Variants in ACO2 observed in about 807,000 individuals in gnomAD.
ACO2 encodes aconitase 2.
In ACO2, 31 loss-of-function variants were observed where a neutral mutation model predicts 84.5. That is an observed-to-expected ratio of 0.37 (90% CI 0.28 to 0.50). The LOEUF is 0.50. Ranked by LOEUF, ACO2 falls within the 20% of genes least tolerant of loss-of-function variation. The pLI is 0.97. For synonymous variants in ACO2, 414 were observed against 412.7 expected, an observed-to-expected ratio of 1.00 and a Z score of -0.04; for missense variants, 685 against 1,029.3, an observed-to-expected ratio of 0.67 and a Z score of 4.58.
chr22:41,528,963 A>C lies in ACO2; in HGVS notation c.*350A>C, dbSNP rs1709909812. 1 of 520,432 alleles carries C rather than the reference A, an allele frequency of 1.9e-6. No homozygotes were observed. Among genetic ancestry groups the C allele is most frequent in the Non-Finnish European group, 3.4e-6 (1 of 294,940 alleles). The allele number at this position is 520,432 out of a possible 1,614,324, so 32.2% of individuals were successfully genotyped here. A position where few individuals can be genotyped will look rare whatever the true frequency, so the allele number is the denominator to read the frequency against. On this transcript the variant is annotated 3_prime_UTR_variant, in exon 18 of 18. Transcript: ENST00000216254. ...CTTTTGTTCTTGCAAGGAAAACAAG[A>C]ATCCAAAACCAGTGACTGTTCTGTG...
intron 9 of ACO2, among the ~76,000 whole-genome samples, chr22:41,520,686 C>T (rs914236078): frequency 6.6e-6 from 1 of 151,730 alleles, no homozygotes; most frequent in Non-Finnish European, 1.5e-5. Context: ...ACTAAAAATA[C>T]AAAAAATTAG....
intron 1 of ACO2, among the ~76,000 whole-genome samples, chr22:41,490,051 G>A (rs529765355): frequency 1.1e-4 from 16 of 152,178 alleles, no homozygotes; most frequent in South Asian, 8.3e-4. Context: ...GGCCGGGCAC[G>A]GTGTCTTACA....
At chr22:41,484,703 C>T (rs2038130541) in intron 1 of ACO2, among the ~76,000 whole-genome samples, 1 of 151,900 alleles carries the variant, frequency 6.6e-6, no homozygotes, top group South Asian at 2.1e-4. Flanking sequence ...TCTTTGGGAA[C>T]CCATTCATAT....
intron 1 of ACO2, among the ~76,000 whole-genome samples, chr22:41,472,131 G>A (rs1208801662): frequency 1.3e-5 from 2 of 152,200 alleles, no homozygotes; most frequent in East Asian, 3.9e-4. Flanking sequence ...AAGGCAGGTG[G>A]ATCACAAGGT....
intron 13 of ACO2, 57 bp from the exon 14 acceptor site, chr22:41,525,136 C>A (rs2066569534): frequency 1.2e-6 from 2 of 1,600,270 alleles, no homozygotes; most frequent in Admixed American, 1.7e-5. Flanking sequence ...TTCTGAGAGT[C>A]TGTCCTTGTG....
At position 41,522,317 on chromosome 22, in the gene ACO2, C is replaced by A. The variant is rs139850424; in HGVS notation, c.1139-513C>A. Among the ~76,000 whole-genome samples, 493 of 152,202 alleles carry A rather than the reference C, an allele frequency of 3.2e-3. 4 individuals are homozygous for A. The highest frequency in any genetic ancestry group is 0.031 in the Middle Eastern group (9 of 294). On this transcript the variant is annotated intron_variant, in intron 9 of 17. Transcript: ENST00000216254. ...CTGTGCCCTTGCACTCCAGCCTGGG[C>A]GACAGAGCAAGACCCCATCTCAACA...
chr22:41,480,920 A>G (rs376032007), intron 1 of ACO2, among the ~76,000 whole-genome samples: 28 of 152,028 alleles, frequency 1.8e-4, no homozygotes, highest in African/African-American at 6.3e-4. Flanking sequence ...GGCTCAAGCA[A>G]TTCTCCCACC....
At chr22:41,518,437 G>A (rs755692788) in intron 7 of ACO2, 44 bp from the exon 8 acceptor site, 1 of 1,494,626 alleles carries the variant, frequency 6.7e-7, no homozygotes, top group South Asian at 1.1e-5. Context: ...CTCAAGAACA[G>A]TTTATGTTTC....
At chr22:41,476,725 C>CA (rs919537328) in intron 1 of ACO2, among the ~76,000 whole-genome samples, 8 of 151,464 alleles carry the variant, frequency 5.3e-5, no homozygotes, top group African/African-American at 7.3e-5. Context: ...CAAAACAAAA[C>CA]AAAAAAACAA....
chr22:41,506,257 CTTT>C (rs796107121), intron 2 of ACO2, among the ~76,000 whole-genome samples: 3 of 142,306 alleles, frequency 2.1e-5, no homozygotes, highest in Non-Finnish European at 3.1e-5. Flanking sequence ...CTGGCTCATT[CTTT>C]TTTTTTTTTT....
chr22:41,512,185 A>G, intron 4 of ACO2: 1 of 470,670 alleles, frequency 2.1e-6, no homozygotes, highest in Non-Finnish European at 3.7e-6. Context: ...AATACCTCCT[A>G]ACCACCCAGG....
intron 2 of ACO2, among the ~76,000 whole-genome samples, chr22:41,503,349 C>T (rs761928318): frequency 2.0e-5 from 3 of 150,356 alleles, no homozygotes; most frequent in African/African-American, 4.9e-5. Context: ...TTTTTTGAAA[C>T]GGAGTCTCGC....
rs574570994 is a variant in ACO2 at position 41,521,973 on chromosome 22, G to T, written c.1139-857G>T. 1.6e-3 allele frequency among the ~76,000 whole-genome samples: 243 copies of T among 152,248 alleles called. 3 individuals are homozygous for T. Among genetic ancestry groups the T allele is most frequent in the African/African-American group, 5.7e-3 (237 of 41,548 alleles). On this transcript the variant is annotated intron_variant, in intron 9 of 17. Transcript: ENST00000216254. ...TTTTAGTAGAGATGGGGGTTTCACT[G>T]TGTTAGCCAGGCTAGTCTGGAACTC...
intron 6 of ACO2, among the ~76,000 whole-genome samples, chr22:41,516,809 G>A (rs1225283059): frequency 6.6e-6 from 1 of 152,140 alleles, no homozygotes; most frequent in Non-Finnish European, 1.5e-5. Context: ...TACAACCTCC[G>A]CCTCCTGGGT....
intron 2 of ACO2, among the ~76,000 whole-genome samples, chr22:41,501,282 G>A (rs886163134): frequency 6.6e-6 from 1 of 152,254 alleles, no homozygotes; most frequent in Middle Eastern, 3.4e-3. Context: ...GATTACAGGC[G>A]CGAGCCATGG....
chr22:41,524,037 C>A, intron 12 of ACO2, 96 bp downstream of exon 12: 2 of 1,081,154 alleles, frequency 1.8e-6, no homozygotes, highest in South Asian at 1.3e-5. Context: ...CTGGGGTCAT[C>A]CAAGTGGTAG....
At chr22:41,486,474 T>A (rs2038157948) in intron 1 of ACO2, among the ~76,000 whole-genome samples, 1 of 148,928 alleles carries the variant, frequency 6.7e-6, no homozygotes, top group Non-Finnish European at 1.5e-5. Context: ...TTTGTATTTT[T>A]TTTTTTTTTT....
intron 1 of ACO2, among the ~76,000 whole-genome samples, chr22:41,487,485 A>G (rs546357588): frequency 1.3e-5 from 2 of 152,334 alleles, no homozygotes; most frequent in East Asian, 3.9e-4. Flanking sequence ...CTGGAGAAAC[A>G]TTTAATGAAT....
At position 41,522,933 on chromosome 22, in the gene ACO2, C is replaced by T. The variant is rs1024521935; in HGVS notation, c.1242C>T (p.Phe414=). Residue 414 remains phenylalanine, a synonymous_variant, in exon 10 of 18, where the codon TTC becomes TTT. Coordinates refer to ENST00000216254, the MANE Select transcript of ACO2 (RefSeq NM_001098.3). ...LAHGLKCKSQ[F]TITPGSEQIR... is the part of the protein sequence containing the mutation. ...ATGGCCTCAAGTGCAAGTCCCAGTT[C>T]ACCATCACTCCAGGTTCCGAGCAGA... 8.1e-6 allele frequency: 13 copies of T among 1,614,244 alleles called. No individual in the cohort carries two copies. Among genetic ancestry groups the T allele is most frequent in the Non-Finnish European group, 1.1e-5 (13 of 1,180,046 alleles).
Sources: gnomAD v4.1 joint callset for allele counts (sites outside exome capture counted in the v4.1 genomes callset) on GRCh38, gnomAD v4.1.1 for gene constraint, MANE v1.5 for transcripts, NCBI Gene and HGNC (gene_info 2026-07-23, HGNC 2026-07-21) for gene names.